Variants in OXR1 observed in about 807,000 individuals in gnomAD.
The protein encoded by OXR1 is oxidation resistance 1, also known as oxidation resistance protein 1.
In OXR1, 41 loss-of-function variants were observed where a neutral mutation model predicts 104.6. The observed-to-expected ratio is 0.39, with a 90% CI of 0.31 to 0.51. The LOEUF is 0.51. Among genes scored for constraint, OXR1 ranks in the 20% least tolerant of loss-of-function variants. The probability of loss-of-function intolerance (pLI) is 0.77; values close to 1 mark genes in which losing one functional copy is unlikely to be tolerated. For missense variants in OXR1, 955 were observed against 1,031.9 expected, an observed-to-expected ratio of 0.93 and a Z score of 1.02; for synonymous variants, 348 against 348.4, an observed-to-expected ratio of 1.00 and a Z score of 0.01.
rs1238921361 is a variant in OXR1 at position 106,308,013 on chromosome 8, A to AAC, written c.-139+37658_-139+37659dup. On this transcript the variant is annotated intron_variant, in intron 1 of 16. Coordinates refer to ENST00000517566, the MANE Select transcript of OXR1 (RefSeq NM_001198533.2). Reference sequence around the variant, plus strand: ...AACCAAAAGGACACACACACACACAAACACACACACACATACACACACACA... The same window carrying AAC: ...AACCAAAAGGACACACACACACACAAACACACACACACACATACACACACACA... Among the ~76,000 whole-genome samples the AAC allele has an allele frequency of 4.2e-5, 6 of 141,602 alleles. No homozygotes were observed. In the South Asian group the frequency reaches 6.3e-4, roughly 15 times the overall value. 92.9% of individuals were successfully genotyped at this position (141,602 alleles called of 152,430 possible). A position where few individuals can be genotyped will look rare whatever the true frequency, so the allele number is the denominator to read the frequency against.
At chr8:106,710,916 C>G in intron 10 of OXR1, 126 bp downstream of exon 10, 3 of 573,118 alleles carry the variant, frequency 5.2e-6, no homozygotes, top group Non-Finnish European at 5.4e-6. Context: ...GACAATAAGT[C>G]TATTTGAAAC....
chr8:106,402,304 A>T (rs748684770), intron 2 of OXR1, among the ~76,000 whole-genome samples: 5 of 152,170 alleles, frequency 3.3e-5, no homozygotes, highest in Admixed American at 6.5e-5. Flanking sequence ...CCCTCCAAGA[A>T]TGGAGTATTG....
At chr8:106,384,215 G>A (rs1432128630) in intron 2 of OXR1, among the ~76,000 whole-genome samples, 2 of 152,184 alleles carry the variant, frequency 1.3e-5, no homozygotes, top group African/African-American at 4.8e-5. Flanking sequence ...ATTGGAGTCT[G>A]TGATGATGAT....
At chr8:106,426,145 C>G (rs1423469264) in intron 2 of OXR1, among the ~76,000 whole-genome samples, 1 of 152,108 alleles carries the variant, frequency 6.6e-6, no homozygotes, top group East Asian at 1.9e-4. Context: ...CTCAGCTGCT[C>G]CCTCATATGG....
At chr8:106,473,371 A>G (rs1821622269) in intron 2 of OXR1, among the ~76,000 whole-genome samples, 1 of 151,870 alleles carries the variant, frequency 6.6e-6, no homozygotes, top group African/African-American at 2.4e-5. Context: ...TGAAAATGTC[A>G]CTTGAAAAGT....
intron 3 of OXR1, among the ~76,000 whole-genome samples, chr8:106,591,081 T>C (rs997802996): frequency 2.0e-5 from 3 of 151,598 alleles, no homozygotes; most frequent in Non-Finnish European, 4.4e-5. Flanking sequence ...ATGTGGCACA[T>C]TTACACCACG....
chr8:106,342,890 C>G (rs1166307727), intron 1 of OXR1, among the ~76,000 whole-genome samples: 1 of 152,166 alleles, frequency 6.6e-6, no homozygotes, highest in Non-Finnish European at 1.5e-5. Context: ...AAACCATGTT[C>G]TGGAAAAGAG....
intron 3 of OXR1, chr8:106,658,256 G>A: frequency 9.8e-6 from 12 of 1,226,448 alleles, no homozygotes; most frequent in Non-Finnish European, 1.2e-5. Flanking sequence ...CGGCGGTCGT[G>A]GCGCCGGGCG....
At chr8:106,671,625 A>T (rs1011524417) in intron 3 of OXR1, among the ~76,000 whole-genome samples, 4 of 152,212 alleles carry the variant, frequency 2.6e-5, no homozygotes, top group East Asian at 1.9e-4. Context: ...ACACCGTGGA[A>T]TATTATGCAG....
intron 2 of OXR1, among the ~76,000 whole-genome samples, chr8:106,463,057 C>T (rs1303287710): frequency 6.6e-6 from 1 of 152,000 alleles, no homozygotes; most frequent in African/African-American, 2.4e-5. Flanking sequence ...AAATGGTTGA[C>T]CCATAAGTCA....
chr8:106,656,121 T>C (rs560122996), intron 3 of OXR1: 2 of 152,362 alleles, frequency 1.3e-5, no homozygotes, highest in East Asian at 3.9e-4. Flanking sequence ...CGAGCCTCTC[T>C]TTCATTGAAC....
chr8:106,391,474 G>A lies in OXR1; in HGVS notation c.23+31838G>A, dbSNP rs968386041. ...ATACACTCCTTGACTTGAGTCATGA[G>A]GGAAAAATGTGTTCTTTCTTTAAAA... On this transcript the variant is annotated intron_variant, in intron 2 of 16. Coordinates refer to ENST00000517566, the MANE Select transcript of OXR1 (RefSeq NM_001198533.2). 2.0e-5 allele frequency among the ~76,000 whole-genome samples: 3 copies of A among 151,994 alleles called. No homozygotes were observed. The East Asian group carries it at 5.8e-4, about 29-fold the overall frequency.
rs147622950 is a variant in OXR1 at position 106,696,732 on chromosome 8, T to C, written c.675+3855T>C. Among the ~76,000 whole-genome samples the C allele has an allele frequency of 9.3e-4, 142 of 152,342 alleles. 2 individuals carry two copies. Among genetic ancestry groups the C allele is most frequent in the Admixed American group, 5.9e-4 (9 of 15,306 alleles). ...CATATTATATTAAGCGTCTTTTTTTTTTCCTATTCAGAAATGACAAATTCT... is the reference window on the plus strand; with the variant it reads ...CATATTATATTAAGCGTCTTTTTTTCTTCCTATTCAGAAATGACAAATTCT... On this transcript the variant is annotated intron_variant, in intron 7 of 16. Coordinates refer to ENST00000517566, the MANE Select transcript of OXR1 (RefSeq NM_001198533.2).
intron 3 of OXR1, among the ~76,000 whole-genome samples, chr8:106,531,844 A>C (rs1234865551): frequency 6.6e-6 from 1 of 152,198 alleles, no homozygotes; most frequent in Non-Finnish European, 1.5e-5. Flanking sequence ...TGTGATATGA[A>C]AAACACTCGT....
chr8:106,314,726 A>G lies in OXR1; in HGVS notation c.-139+44359A>G, dbSNP rs79667856. Among the ~76,000 whole-genome samples, 7 of 152,322 alleles carry G rather than the reference A, an allele frequency of 4.6e-5. No homozygotes were observed. In the East Asian group the frequency reaches 1.2e-3, roughly 25 times the overall value. ...CAAACCCAGTTCATTCTGACTTCAC[A>G]CAGCTCCTAACTACCTCTGGCATAT... is the stretch of plus-strand genomic sequence containing the variant. On this transcript the variant is annotated intron_variant, in intron 1 of 16. Coordinates refer to ENST00000517566, the MANE Select transcript of OXR1 (RefSeq NM_001198533.2).
At position 106,745,776 on chromosome 8, in the gene OXR1, T is replaced by A. The variant is rs566250613; in HGVS notation, c.2413-13T>A. On this transcript the variant is annotated splice_polypyrimidine_tract_variant and intron_variant, in intron 15 of 16. Transcript: ENST00000517566. ...TCATCTATATATTTAAAGCTTTTTTTAAATTTATATAGGTCTTTAAGTGGA... is the reference window on the plus strand; with the variant it reads ...TCATCTATATATTTAAAGCTTTTTTAAAATTTATATAGGTCTTTAAGTGGA... 42 of 1,354,838 alleles carry A rather than the reference T, an allele frequency of 3.1e-5. No individual in the cohort carries two copies. Among genetic ancestry groups the A allele is most frequent in the East Asian group, 1.4e-4 (6 of 43,418 alleles). 83.9% of individuals were successfully genotyped at this position (1,354,838 alleles called of 1,614,324 possible).
rs547856587 is a variant in OXR1 at position 106,561,077 on chromosome 8, G to A, written c.220+41938G>A. Among the ~76,000 whole-genome samples, 239 of 152,250 alleles carry A rather than the reference G, an allele frequency of 1.6e-3. 1 individual carries two copies. Among genetic ancestry groups the A allele is most frequent in the Non-Finnish European group, 2.5e-4 (17 of 68,030 alleles). On this transcript the variant is annotated intron_variant, in intron 3 of 16. Transcript: ENST00000517566. ...GGCCCTGGGTTTCAAGCACAAAACTGGGTGGCCATTTGGGCAAACACCAAG... is the reference window on the plus strand; with the variant it reads ...GGCCCTGGGTTTCAAGCACAAAACTAGGTGGCCATTTGGGCAAACACCAAG...
chr8:106,708,264 T>C (rs1223342962), intron 9 of OXR1, among the ~76,000 whole-genome samples: 1 of 152,030 alleles, frequency 6.6e-6, no homozygotes, highest in Admixed American at 6.6e-5. Flanking sequence ...GACATGGTGA[T>C]GGTGCACACC....
At position 106,697,624 on chromosome 8, in the gene OXR1, C is replaced by A. The variant is rs878915854; in HGVS notation, c.675+4747C>A. ...GGCTACTGCCAACCCACCCAGATTCCTCAGCGTCCGCTGCACACAGGCCAT... is the reference window on the plus strand; with the variant it reads ...GGCTACTGCCAACCCACCCAGATTCATCAGCGTCCGCTGCACACAGGCCAT... On this transcript the variant is annotated intron_variant, in intron 7 of 16. Transcript: ENST00000517566. 5.0e-6 allele frequency: 8 copies of A among 1,613,596 alleles called. No individual in the cohort carries two copies. The South Asian group carries it at 5.5e-5, about 11-fold the overall frequency.
Sources: allele counts gnomAD v4.1 joint callset (sites outside exome capture counted in the v4.1 genomes callset), GRCh38; gene constraint gnomAD v4.1.1; transcripts MANE v1.5; gene names NCBI Gene and HGNC (gene_info 2026-07-23, HGNC 2026-07-21).